The following RETREG2 variants were observed in gnomAD, a reference collection of about 807,000 sequenced individuals.
The protein encoded by RETREG2 is reticulophagy regulator family member 2.
In RETREG2, 21 loss-of-function variants were observed where a neutral mutation model predicts 51.6. The observed-to-expected ratio is 0.41, with a 90% CI of 0.29 to 0.59. The LOEUF is 0.59. RETREG2 is among the 20% of genes least tolerant of loss of function. The pLI is 0.34. For synonymous variants in RETREG2, 339 were observed against 288.6 expected (o/e 1.17, Z -1.77); for missense variants, 674 against 646.0 (o/e 1.04, Z -0.47).
Position 219,182,381 on chromosome 2 carries a change from C to T in RETREG2, c.1384C>T (p.Pro462Ser). 5 of 1,614,078 alleles carry T rather than the reference C, an allele frequency of 3.1e-6. No homozygotes were observed. The highest frequency in any genetic ancestry group is 4.2e-6 in the Non-Finnish European group (5 of 1,179,994). Residue 462 changes from proline to serine, a missense_variant, in exon 9 of 9, where the codon CCC becomes TCC. By Grantham distance (74) the Pro-to-Ser change is moderately conservative (BLOSUM62 -1). Transcript: ENST00000430297. Reference protein sequence around the residue: ...PLCLVGSDPAPSPSILPPVPQ... With the variant: ...PLCLVGSDPASSPSILPPVPQ... ...TTGCCTTGTTGGAAGTGACCCAGCC[C>T]CCTCCCCTTCCATTCTCCCACCTGT...
Position 219,180,611 on chromosome 2 carries a change from C to T in RETREG2, c.556-59C>T, listed in dbSNP as rs1336157852. ...ACCAGCTGAGCAGTAGTTTCTTACC[C>T]AGCCGAGCGGGGCGCATATCTCAGC... On this transcript the variant is annotated intron_variant, in intron 4 of 8. Transcript: ENST00000430297. 2.5e-6 allele frequency: 4 copies of T among 1,612,402 alleles called. No individual in the cohort carries two copies. The East Asian group carries it at 6.7e-5, about 27-fold the overall frequency.
intron 5 of RETREG2, 149 bp from the exon 6 acceptor site, chr2:219,180,913 A>G (rs1574784044): frequency 1.5e-6 from 2 of 1,319,334 alleles, no homozygotes; most frequent in East Asian, 4.6e-5. Flanking sequence ...TTACCTGGGG[A>G]GGAGGGCAGT....
At chr2:219,179,833 T>C (rs984455335) in intron 3 of RETREG2, 70 bp downstream of exon 3, 1 of 1,503,762 alleles carries the variant, frequency 6.6e-7, no homozygotes, top group Non-Finnish European at 9.3e-7. Context: ...AGTGTCACCA[T>C]GGAGCAGGGC....
chr2:219,181,540 A>C, intron 7 of RETREG2, 77 bp downstream of exon 7: 1 of 1,588,988 alleles, frequency 6.3e-7, no homozygotes, highest in Non-Finnish European at 8.6e-7. Flanking sequence ...TGCCACCTCC[A>C]AAGGAGGTGG....
rs1012593090 is a variant in RETREG2 at position 219,180,972 on chromosome 2, A to G, written c.641-90A>G. On this transcript the variant is annotated intron_variant, in intron 5 of 8. Transcript: ENST00000430297. ...ACAGCCTTGGGAAAGGACCTTGCCTACCTTCAGCACTTCAGTTTAGGGACC... is the reference window on the plus strand; with the variant it reads ...ACAGCCTTGGGAAAGGACCTTGCCTGCCTTCAGCACTTCAGTTTAGGGACC... 4 of 1,561,152 alleles carry G rather than the reference A, an allele frequency of 2.6e-6. No homozygotes were observed. In the African/African-American group the frequency reaches 5.4e-5, roughly 21 times the overall value.
At chr2:219,178,855 A>T (rs888052113) in intron 1 of RETREG2, 67 bp from the exon 2 acceptor site, 1 of 1,258,216 alleles carries the variant, frequency 7.9e-7, no homozygotes, top group Non-Finnish European at 1.1e-6. Context: ...GCGCCTTTCC[A>T]CCTTCTGAGA....
chr2:219,181,611 T>A lies in RETREG2; in HGVS notation c.880-29T>A, dbSNP rs749837684. The stretch of plus-strand genomic sequence containing the variant: ...AAATTGGTTCTCTTATCCCCTCACA[T>A]GTCGTGTTCATCCTGGTTCTCCTGC... On this transcript the variant is annotated intron_variant, in intron 7 of 8. Coordinates refer to ENST00000430297, the MANE Select transcript of RETREG2 (RefSeq NM_024293.6). 1.9e-6 allele frequency: 3 copies of A among 1,612,272 alleles called. No homozygotes were observed. The Admixed American group carries it at 5.0e-5, about 27-fold the overall frequency.
chr2:219,179,694 C>T, intron 2 of RETREG2, 39 bp from the exon 3 acceptor site: 1 of 1,607,880 alleles, frequency 6.2e-7, no homozygotes, highest in Non-Finnish European at 8.5e-7. Context: ...TCCCAGGGCC[C>T]CTACCACTCA....
At chr2:219,179,969 C>G (rs947364676) in intron 3 of RETREG2, 141 bp from the exon 4 acceptor site, 1 of 1,281,212 alleles carries the variant, frequency 7.8e-7, no homozygotes, top group Non-Finnish European at 1.1e-6. Context: ...GGCTTTGCTT[C>G]TAAGACCAGG....
rs750302080 is a variant in RETREG2, at chr2:219,180,137, G to A, written c.447G>A (p.Pro149=). 9 of 1,614,120 alleles carry A rather than the reference G, an allele frequency of 5.6e-6. No homozygotes were observed. Among genetic ancestry groups the A allele is most frequent in the Middle Eastern group, 1.7e-4 (1 of 6,052 alleles). ...AGGGTGCGGGGTCAGGCGCCCGGCC[G>A]CACCTGCTGAGTGTGCCCGAGTTGT... ...DSEGAGSGAR[P]HLLSVPELCR... The change falls in exon 4 of 9, where the codon CCG becomes CCA. Residue 149 remains proline, a synonymous_variant. Coordinates refer to ENST00000430297, the MANE Select transcript of RETREG2 (RefSeq NM_024293.6).
Position 219,180,282 on chromosome 2 carries a change from T to G in RETREG2, c.555+37T>G, listed in dbSNP as rs375510056. On this transcript the variant is annotated intron_variant, in intron 4 of 8. Coordinates refer to ENST00000430297, the MANE Select transcript of RETREG2 (RefSeq NM_024293.6). ...TACATCATACAACAGTTCACTACACTGAAGGGGAATAGAGGTGGCGGGGGA... is the reference window on the plus strand; with the variant it reads ...TACATCATACAACAGTTCACTACACGGAAGGGGAATAGAGGTGGCGGGGGA... The G allele has an allele frequency of 8.1e-6, 13 of 1,612,900 alleles. No individual in the cohort carries two copies. In the East Asian group the frequency reaches 2.9e-4, roughly 36 times the overall value.
Position 219,180,234 on chromosome 2 carries a change from A to C in RETREG2, c.544A>C (p.Asn182His). ...GGAGCTGCTGCAGTACAAGAGGCAG[A>C]ATCCAGCTCAGGTAACCTCCCCTAC... Reference protein sequence around the residue: ...LQELLQYKRQNPAQFCVRVCS... With the variant: ...LQELLQYKRQHPAQFCVRVCS... Residue 182 changes from asparagine (N) to histidine (H), a missense_variant, in exon 4 of 9, where the codon AAT (asparagine) becomes CAT (histidine). Transcript: ENST00000430297. 1 of 1,614,170 alleles carries C rather than the reference A, an allele frequency of 6.2e-7. No individual in the cohort carries two copies. Among genetic ancestry groups the C allele is most frequent in the East Asian group, 2.2e-5 (1 of 44,882 alleles).
chr2:219,178,431 G>C lies in RETREG2; in HGVS notation c.79G>C (p.Gly27Arg), dbSNP rs1328346623. ...GGGCCTGAGCCTGGGCCTGGGTCTG[G>C]GTCTGAGCCTAGGCATGAGTGAGGC... ...GMGLSLGLGL[G>R]LSLGMSEATS... Residue 27 changes from glycine (G) to arginine (R), a missense_variant, in exon 1 of 9, where the codon GGT (glycine) becomes CGT (arginine). Physicochemically the swap from Gly to Arg is moderately radical, Grantham distance 125 (BLOSUM62 -2). Coordinates refer to ENST00000430297, the MANE Select transcript of RETREG2 (RefSeq NM_024293.6). 1 of 669,738 alleles carries C rather than the reference G, an allele frequency of 1.5e-6. No individual in the cohort carries two copies. The highest frequency in any genetic ancestry group is 2.4e-6 in the Non-Finnish European group (1 of 415,484). 41.5% of individuals were successfully genotyped at this position (669,738 alleles called of 1,614,324 possible). A position where few individuals can be genotyped will look rare whatever the true frequency, so the allele number is the denominator to read the frequency against.
chr2:219,181,554 C>T (rs962838476), intron 7 of RETREG2, 86 bp from the exon 8 acceptor site: 10 of 1,599,306 alleles, frequency 6.3e-6, no homozygotes, highest in Non-Finnish European at 6.8e-6. Context: ...GAGGTGGAAG[C>T]CAGAGGTTTT....
chr2:219,179,015 C>G lies in RETREG2; in HGVS notation c.375C>G (p.Leu125=), dbSNP rs1032328198. ...FLLDLWQPRF[L]PDVSASSPEE... ...TGGATCTCTGGCAGCCTCGCTTTCT[C>G]CCTGACGTTTCAGGTGAGTGTTTCT... is the stretch of plus-strand genomic sequence containing the variant. Residue 125 remains leucine, a synonymous_variant, in exon 2 of 9, where the codon CTC becomes CTG. Transcript: ENST00000430297. 1 of 1,611,160 alleles carries G rather than the reference C, an allele frequency of 6.2e-7. No individual in the cohort carries two copies.
chr2:219,182,365 T>G lies in RETREG2; in HGVS notation c.1368T>G (p.Val456=), dbSNP rs753701528. 1.2e-6 allele frequency: 2 copies of G among 1,613,956 alleles called. No homozygotes were observed. Among genetic ancestry groups the G allele is most frequent in the South Asian group, 2.2e-5 (2 of 91,062 alleles). Residue 456 remains valine (V), a synonymous_variant, in exon 9 of 9, where the codon GTT becomes GTG. Transcript: ENST00000430297. ...PGTLSPPLCL[V]GSDPAPSPSI... Reference sequence around the variant, plus strand: ...CCCTGTCACCTCCACTTTGCCTTGTTGGAAGTGACCCAGCCCCCTCCCCTT... The same window carrying G: ...CCCTGTCACCTCCACTTTGCCTTGTGGGAAGTGACCCAGCCCCCTCCCCTT...
Position 219,182,559 on chromosome 2 carries a change from C to T in RETREG2, c.1562C>T (p.Pro521Leu). ...ACACCGCCAAAACCCCCTGATGCTCCACCCCTGGGGCCCGACATCCATTCT... is the reference window on the plus strand; with the variant it reads ...ACACCGCCAAAACCCCCTGATGCTCTACCCCTGGGGCCCGACATCCATTCT... ...PETPPKPPDA[P>L]PLGPDIHSLV... The change falls in exon 9 of 9, where the codon CCA becomes CTA. Residue 521 changes from proline (P) to leucine (L), a missense_variant. Physicochemically the swap from Pro to Leu is moderately conservative, Grantham distance 98. Coordinates refer to ENST00000430297, the MANE Select transcript of RETREG2 (RefSeq NM_024293.6). 1.9e-6 allele frequency: 3 copies of T among 1,614,196 alleles called. No homozygotes were observed. Among genetic ancestry groups the T allele is most frequent in the Non-Finnish European group, 2.5e-6 (3 of 1,180,026 alleles).
At chr2:219,180,965 C>G in intron 5 of RETREG2, 97 bp from the exon 6 acceptor site, 1 of 1,538,874 alleles carries the variant, frequency 6.5e-7, no homozygotes, top group Admixed American at 1.8e-5. Context: ...GGGAAAGGAC[C>G]TTGCCTACCT....
rs1453397585 is a variant in RETREG2 at position 219,181,209 on chromosome 2, AG to A, written c.784+8del. 1 of 1,614,056 alleles carries A rather than the reference AG, an allele frequency of 6.2e-7. No individual in the cohort carries two copies. Among genetic ancestry groups the A allele is most frequent in the East Asian group, 2.2e-5 (1 of 44,884 alleles). Reference sequence around the variant, plus strand: ...CATCACAAACACGACAAGAGGAGTAAGGGGCTGCCCTAAGCCAGGAGGGTGA... The same window carrying A: ...CATCACAAACACGACAAGAGGAGTAAGGGCTGCCCTAAGCCAGGAGGGTGA... On this transcript the variant is annotated splice_donor_5th_base_variant and intron_variant, in intron 6 of 8. Coordinates refer to ENST00000430297, the MANE Select transcript of RETREG2 (RefSeq NM_024293.6).
Sources: gnomAD v4.1 joint callset for allele counts on GRCh38, gnomAD v4.1.1 for gene constraint, MANE v1.5 for transcripts, NCBI Gene and HGNC (gene_info 2026-07-23, HGNC 2026-07-21) for gene names.